The following ST3GAL5 variants were observed in gnomAD, a reference collection of about 807,000 sequenced individuals.
The protein encoded by ST3GAL5 is lactosylceramide alpha-2,3-sialyltransferase.
Under a neutral mutation model 46.1 loss-of-function variants are expected in ST3GAL5, and 25 were observed. The ratio of observed to expected loss-of-function variants is 0.54; its 90% CI spans 0.40 to 0.76. The LOEUF (loss-of-function observed/expected upper bound fraction) is 0.76. Ranked by LOEUF, ST3GAL5 falls within the 30% of genes least tolerant of loss-of-function variation. ST3GAL5 has a pLI of 0.00. For missense variants in ST3GAL5, 431 were observed against 521.2 expected (o/e 0.83, Z 1.69); for synonymous variants, 182 against 192.7 (o/e 0.94, Z 0.46).
At chr2:85,871,180 G>A (rs937694457) in intron 1 of ST3GAL5, among the ~76,000 whole-genome samples, 7 of 152,010 alleles carry the variant, frequency 4.6e-5, no homozygotes, top group Non-Finnish European at 7.4e-5. Flanking sequence ...GGAACTATAG[G>A]TGTGCACCAC....
At chr2:85,846,272 A>G (rs889008859) in intron 5 of ST3GAL5, 105 bp downstream of exon 5, 2 of 992,010 alleles carry the variant, frequency 2.0e-6, no homozygotes, top group African/African-American at 3.2e-5. Context: ...ACACATAAGT[A>G]TGCATTCCGC....
chr2:85,862,514 A>C (rs777533398), intron 2 of ST3GAL5, among the ~76,000 whole-genome samples: 13 of 152,196 alleles, frequency 8.5e-5, no homozygotes, highest in Non-Finnish European at 4.4e-5. Context: ...AAAAAATAAA[A>C]GAAAAGGGTG....
intron 6 of ST3GAL5, among the ~76,000 whole-genome samples, chr2:85,841,625 A>G (rs922034615): frequency 5.3e-5 from 8 of 152,188 alleles, no homozygotes; most frequent in Non-Finnish European, 8.8e-5. Flanking sequence ...ATGGGCCACC[A>G]TGTCCAGCCT....
chr2:85,875,349 C>T (rs947606679), intron 1 of ST3GAL5: 107 of 150,242 alleles, frequency 7.1e-4, no homozygotes, highest in African/African-American at 2.5e-3. Context: ...GCGTGAGTTA[C>T]CACACTTGCC....
chr2:85,878,971 CACAG>C (rs1308133176), intron 1 of ST3GAL5, among the ~76,000 whole-genome samples: 1 of 152,116 alleles, frequency 6.6e-6, no homozygotes, highest in Non-Finnish European at 1.5e-5. Context: ...TGCCAAGACA[CACAG>C]AGAGAGGTGT....
At chr2:85,841,709 C>T (rs940590003) in intron 6 of ST3GAL5, among the ~76,000 whole-genome samples, 1 of 152,196 alleles carries the variant, frequency 6.6e-6, no homozygotes, top group African/African-American at 2.4e-5. Context: ...TGACCTTGGC[C>T]TAGAATCTCC....
intron 1 of ST3GAL5, chr2:85,887,903 C>T (rs1050646127): frequency 1.3e-5 from 2 of 152,216 alleles, no homozygotes; most frequent in South Asian, 4.1e-4. Context: ...TGAAGCGCAG[C>T]ACATAAAACC....
At chr2:85,862,182 C>T (rs1396271079) in intron 2 of ST3GAL5, among the ~76,000 whole-genome samples, 3 of 151,858 alleles carry the variant, frequency 2.0e-5, no homozygotes, top group African/African-American at 7.3e-5. Context: ...ACAGGCTTCC[C>T]ATGACAACTT....
At chr2:85,882,430 G>A (rs558155899) in intron 1 of ST3GAL5, among the ~76,000 whole-genome samples, 14 of 152,302 alleles carry the variant, frequency 9.2e-5, no homozygotes, top group Admixed American at 6.5e-4. Context: ...GAGGGAGGGC[G>A]TAACCTGCAA....
intron 6 of ST3GAL5, among the ~76,000 whole-genome samples, chr2:85,842,727 T>C (rs1209846943): frequency 6.6e-6 from 1 of 151,958 alleles, no homozygotes; most frequent in Non-Finnish European, 1.5e-5. Context: ...GCTTTTATAC[T>C]AAACACATAC....
At chr2:85,871,033 T>C (rs993398407) in intron 1 of ST3GAL5, among the ~76,000 whole-genome samples, 5 of 149,220 alleles carry the variant, frequency 3.4e-5, no homozygotes, top group Non-Finnish European at 6.0e-5. Context: ...ACCTCAACCA[T>C]TTATCTTTTT....
chr2:85,838,734 T>C lies in ST3GAL5; in HGVS notation c.*1410A>G, dbSNP rs1277238843. 1.3e-5 allele frequency: 2 copies of C among 152,498 alleles called. No homozygotes were observed. The highest frequency in any genetic ancestry group is 1.5e-5 in the Non-Finnish European group (1 of 68,238). 9.4% of individuals were successfully genotyped at this position (152,498 alleles called of 1,614,324 possible). ...GGAGGGAGATGGGAAGACGTTCGAA[T>C]GGGCTGGGGCCAAGGCTGCACTGGG... On this transcript the variant is annotated 3_prime_UTR_variant, in exon 7 of 7. Transcript: ENST00000638572.
intron 1 of ST3GAL5, among the ~76,000 whole-genome samples, chr2:85,883,244 G>T (rs575990255): frequency 6.6e-6 from 1 of 152,244 alleles, no homozygotes; most frequent in South Asian, 2.1e-4. Context: ...TGAATCATGG[G>T]GGCCGGTCTT....
intron 3 of ST3GAL5, chr2:85,855,359 T>C (rs57150081): frequency 0.078 from 11,897 of 152,520 alleles, 590 homozygotes; most frequent in African/African-American, 0.13. Context: ...TCCCCTGCCA[T>C]GTGGAGTTGT....
chr2:85,889,033 T>C (rs1289955450), upstream of ST3GAL5: 1 of 654,326 alleles, frequency 1.5e-6, no homozygotes, highest in Non-Finnish European at 2.1e-6. Flanking sequence ...GAGGGGCGCG[T>C]GGGCGGGGTC....
intron 1 of ST3GAL5, among the ~76,000 whole-genome samples, chr2:85,879,597 T>C (rs1238635456): frequency 6.6e-6 from 1 of 152,164 alleles, no homozygotes; most frequent in Non-Finnish European, 1.5e-5. Flanking sequence ...CAGAATCTGC[T>C]ATGAGAGAAC....
chr2:85,847,988 G>T lies in ST3GAL5; in HGVS notation c.535C>A (p.Pro179Thr). ...SKVQTLLELLPEHDLPEHLKA... is the reference protein window; with the variant it reads ...SKVQTLLELLTEHDLPEHLKA... ...AAGTGTTCAGGGAGGTCGTGCTCTG[G>T]CAAGAGTTCCAAGAGGGTCTGGACT... The change falls in exon 4 of 7, where the codon CCA becomes ACA. Residue 179 changes from proline to threonine, a missense_variant. Physicochemically the swap from Pro to Thr is conservative, Grantham distance 38. Transcript: ENST00000638572. The T allele has an allele frequency of 6.2e-6, 10 of 1,614,140 alleles. No homozygotes were observed. Among genetic ancestry groups the T allele is most frequent in the Non-Finnish European group, 8.5e-6 (10 of 1,180,044 alleles).
rs1028789783 is a variant in ST3GAL5 at position 85,838,947 on chromosome 2, G to A, written c.*1197C>T. ...AAGCTAGGGGCAGCCTGTCTTTGGG[G>A]AGGAAGCCACCGACACCCAGCATCT... is the stretch of plus-strand genomic sequence containing the variant. On this transcript the variant is annotated 3_prime_UTR_variant, in exon 7 of 7. Coordinates refer to ENST00000638572, the MANE Select transcript of ST3GAL5 (RefSeq NM_003896.4). 2 of 152,414 alleles carry A rather than the reference G, an allele frequency of 1.3e-5. No homozygotes were observed. Among genetic ancestry groups the A allele is most frequent in the African/African-American group, 4.8e-5 (2 of 41,456 alleles). 9.4% of individuals were successfully genotyped at this position (152,414 alleles called of 1,614,324 possible). A position where few individuals can be genotyped will look rare whatever the true frequency, so the allele number is the denominator to read the frequency against.
At chr2:85,873,173 A>T (rs1395958006) in intron 1 of ST3GAL5, among the ~76,000 whole-genome samples, 1 of 152,144 alleles carries the variant, frequency 6.6e-6, no homozygotes, top group Non-Finnish European at 1.5e-5. Flanking sequence ...TTCCATCCCC[A>T]GACACTGAAT....
Sources: gnomAD v4.1 joint callset for allele counts (sites outside exome capture counted in the v4.1 genomes callset) on GRCh38, gnomAD v4.1.1 for gene constraint, MANE v1.5 for transcripts, NCBI Gene and HGNC (gene_info 2026-07-23, HGNC 2026-07-21) for gene names.